The following PNKP variants were observed in gnomAD, a reference collection of about 807,000 sequenced individuals.
PNKP encodes the protein polynucleotide kinase 3'-phosphatase.
In PNKP, 82 loss-of-function variants were observed where a neutral mutation model predicts 66.2. The ratio of observed to expected loss-of-function variants is 1.24; its 90% CI spans 1.04 to 1.49. The LOEUF is 1.49. Ranked by LOEUF, PNKP falls within the 40% of genes most tolerant of loss-of-function variation. The pLI is 0.00. For missense variants in PNKP, 907 were observed against 706.8 expected, an observed-to-expected ratio of 1.28 and a Z score of -3.21; for synonymous variants, 412 against 298.9, an observed-to-expected ratio of 1.38 and a Z score of -3.90.
chr19:49,862,490 A>G (rs1377252863), intron 10 of PNKP, 27 bp from the exon 11 acceptor site: 2 of 1,596,580 alleles, frequency 1.3e-6, no homozygotes, highest in African/African-American at 1.3e-5. Flanking sequence ...AACATCAGAC[A>G]CAGGCCAGGG....
intron 15 of PNKP, 47 bp from the exon 16 acceptor site, chr19:49,861,557 A>AT: frequency 5.4e-5 from 5 of 93,034 alleles, no homozygotes; most frequent in Non-Finnish European, 7.1e-5. Context: ...TCAGGGGAGG[A>AT]GGGGGGTCAG....
Position 49,866,379 on chromosome 19 carries a change from C to T in PNKP, c.198+20G>A, listed in dbSNP as rs1321657795. On this transcript the variant is annotated intron_variant, in intron 3 of 16. Transcript: ENST00000322344. ...AATCCCATCCCCAGGCCTTGCTGGCCCTTGCAGAGGCACTGATACCTGTTT... is the reference window on the plus strand; with the variant it reads ...AATCCCATCCCCAGGCCTTGCTGGCTCTTGCAGAGGCACTGATACCTGTTT... The T allele has an allele frequency of 1.2e-6, 2 of 1,611,304 alleles. No homozygotes were observed. The highest frequency in any genetic ancestry group is 1.7e-6 in the Non-Finnish European group (2 of 1,177,380).
chr19:49,862,512 C>G, intron 10 of PNKP, 26 bp downstream of exon 10: 1 of 1,602,072 alleles, frequency 6.2e-7, no homozygotes. Context: ...CGGGCTCGGG[C>G]GCGGGGCAGG....
chr19:49,865,776 G>A (rs890716012), intron 3 of PNKP, among the ~76,000 whole-genome samples: 2 of 151,370 alleles, frequency 1.3e-5, no homozygotes, highest in African/African-American at 2.4e-5. Flanking sequence ...ACCATGCCCC[G>A]CTAATTTTTG....
At chr19:49,865,537 G>T in intron 3 of PNKP, 111 bp from the exon 4 acceptor site, 2 of 701,614 alleles carry the variant, frequency 2.9e-6, no homozygotes, top group East Asian at 2.7e-5. Flanking sequence ...CAGACCCTTA[G>T]GCCCCACCTC....
intron 13 of PNKP, 46 bp from the exon 14 acceptor site, chr19:49,861,927 G>C (rs1284165742): frequency 6.3e-7 from 1 of 1,579,148 alleles, no homozygotes; most frequent in East Asian, 2.3e-5. Context: ...CCCAGGGGGA[G>C]AGAAGACCCC....
rs1042831313 is a variant in PNKP, at chr19:49,862,105, G to T, written c.1127C>A (p.Ala376Asp). The change falls in exon 13 of 17, where the codon GCC becomes GAC. Residue 376 changes from alanine to aspartate, a missense_variant and splice_region_variant. Coordinates refer to ENST00000322344, the MANE Select transcript of PNKP (RefSeq NM_007254.4). ...CTTCTTGAGAAAGGTGGACTTCCCG[G>T]CTGTGTGGGGGGCAGTGTCGGTGGG... ...EVVVAVGFPG[A>D]GKSTFLKKHL... is the part of the protein sequence containing the mutation. 2 of 1,614,158 alleles carry T rather than the reference G, an allele frequency of 1.2e-6. No homozygotes were observed. The highest frequency in any genetic ancestry group is 2.7e-5 in the African/African-American group (2 of 75,038).
chr19:49,866,505 C>T lies in PNKP; in HGVS notation c.152-60G>A, dbSNP rs183127015. ...CCTTGTGTGATTGGGTCCCTCATTT[C>T]TGGGGAGTGTGGCCTGCTTCAGGCT... On this transcript the variant is annotated intron_variant, in intron 2 of 16. Transcript: ENST00000322344. 1.7e-3 allele frequency: 2,566 copies of T among 1,530,418 alleles called. 23 individuals are homozygous for T. In the Middle Eastern group the frequency reaches 0.023, roughly 14 times the overall value. The allele number at this position is 1,530,418 out of a possible 1,614,324, so 94.8% of individuals were successfully genotyped here.
At position 49,862,518 on chromosome 19, in the gene PNKP, G is replaced by A. The variant is rs2074783538; in HGVS notation, c.936+20C>T. 1 of 1,604,032 alleles carries A rather than the reference G, an allele frequency of 6.2e-7. No homozygotes were observed. The highest frequency in any genetic ancestry group is 8.5e-7 in the Non-Finnish European group (1 of 1,174,872). Reference sequence around the variant, plus strand: ...GGCCAGGGTCGGGCTCGGGCGCGGGGCAGGGGGCAGGGGCCTCACCAGGCG... The same window carrying A: ...GGCCAGGGTCGGGCTCGGGCGCGGGACAGGGGGCAGGGGCCTCACCAGGCG... On this transcript the variant is annotated intron_variant, in intron 10 of 16. Transcript: ENST00000322344.
intron 3 of PNKP, chr19:49,866,107 G>A (rs1445394346): frequency 2.2e-6 from 1 of 462,130 alleles, no homozygotes; most frequent in Non-Finnish European, 4.0e-6. Context: ...TGACCTACTG[G>A]GCTCAAGGGA....
In PNKP at chr19:49,861,490, G is replaced by A. The variant is rs942243433; in HGVS notation, c.1407C>T (p.Ser469=). ...CCATGTCTGACACGGGGATATGAGA[G>A]GAGTCCGTCATCTCTCGAAACTGTG... ...HNNRFREMTD[S]SHIPVSDMVM... is the part of the protein sequence containing the mutation. The change falls in exon 16 of 17, where the codon TCC becomes TCT. Residue 469 remains serine, a synonymous_variant. Coordinates refer to ENST00000322344, the MANE Select transcript of PNKP (RefSeq NM_007254.4). 3.1e-6 allele frequency: 5 copies of A among 1,613,724 alleles called. No individual in the cohort carries two copies. Among genetic ancestry groups the A allele is most frequent in the Non-Finnish European group, 4.2e-6 (5 of 1,179,726 alleles).
At chr19:49,864,813 AC>A (rs2074806035) in intron 4 of PNKP, among the ~76,000 whole-genome samples, 1 of 152,194 alleles carries the variant, frequency 6.6e-6, no homozygotes, top group African/African-American at 2.4e-5. Flanking sequence ...TAGAGATGAG[AC>A]ACATGGGACT....
At position 49,865,910 on chromosome 19, in the gene PNKP, G is replaced by GC. The variant is rs978852929; in HGVS notation, c.199-485dup. On this transcript the variant is annotated intron_variant, in intron 3 of 16. Coordinates refer to ENST00000322344, the MANE Select transcript of PNKP (RefSeq NM_007254.4). ...TTACAGGCGTGAGCCACCGCGCCTG[G>GC]CCGCCTTGTCCAATTTCTAAGGTCT... The GC allele has an allele frequency of 2.1e-5, 5 of 237,046 alleles. No homozygotes were observed. The East Asian group carries it at 5.6e-4, about 27-fold the overall frequency. The allele number at this position is 237,046 out of a possible 1,614,324, so 14.7% of individuals were successfully genotyped here.
In PNKP at chr19:49,862,576, C is replaced by T; in HGVS notation, c.898G>A (p.Gly300Arg). 6.2e-7 allele frequency: 1 copy of T among 1,613,242 alleles called. No homozygotes were observed. The highest frequency in any genetic ancestry group is 8.5e-7 in the Non-Finnish European group (1 of 1,179,576). Reference protein sequence around the residue: ...AAGRPANWAPGRKKKDFSCAD... With the variant: ...AAGRPANWAPRRKKKDFSCAD... ...CAGGAGAAGTCTTTCTTCTTCCGCC[C>T]CGGGGCCCAGTTGGCCGGGCGTCCG... Residue 300 changes from glycine to arginine, a missense_variant, in exon 10 of 17, where the codon GGG becomes AGG. Coordinates refer to ENST00000322344, the MANE Select transcript of PNKP (RefSeq NM_007254.4).
chr19:49,863,510 T>C (rs1283142693), intron 8 of PNKP, among the ~76,000 whole-genome samples, 179 bp downstream of exon 8: 1 of 152,164 alleles, frequency 6.6e-6, no homozygotes, highest in African/African-American at 2.4e-5. Flanking sequence ...TACTCTGATG[T>C]AGAAAGTCTG....
intron 3 of PNKP, 122 bp downstream of exon 3, chr19:49,866,277 G>T (rs959048040): frequency 1.1e-6 from 1 of 946,280 alleles, no homozygotes; most frequent in Non-Finnish European, 1.7e-6. Flanking sequence ...TGGGATTACA[G>T]GCTTGAGCCA....
Position 49,862,521 on chromosome 19 carries a change from G to T in PNKP, c.936+17C>A, listed in dbSNP as rs771741148. The T allele has an allele frequency of 6.2e-7, 1 of 1,602,156 alleles. No individual in the cohort carries two copies. The highest frequency in any genetic ancestry group is 1.1e-5 in the South Asian group (1 of 90,026). On this transcript the variant is annotated intron_variant, in intron 10 of 16. Transcript: ENST00000322344. ...CAGGGTCGGGCTCGGGCGCGGGGCA[G>T]GGGGCAGGGGCCTCACCAGGCGATC... is the stretch of plus-strand genomic sequence containing the variant.
rs545237601 is a variant in PNKP, at chr19:49,862,027, C to T, written c.1188+17G>A. The T allele has an allele frequency of 1.7e-5, 27 of 1,613,944 alleles. No homozygotes were observed. The South Asian group carries it at 2.9e-4, about 17-fold the overall frequency. On this transcript the variant is annotated intron_variant, in intron 13 of 16. Coordinates refer to ENST00000322344, the MANE Select transcript of PNKP (RefSeq NM_007254.4). Reference sequence around the variant, plus strand: ...GAACTTTATAATAGATTTGGGGCGGCAAAAGCCTGGTCATACCCTGTTCAC... The same window carrying T: ...GAACTTTATAATAGATTTGGGGCGGTAAAAGCCTGGTCATACCCTGTTCAC...
At chr19:49,863,121 C>T (rs1248391732) in intron 8 of PNKP, among the ~76,000 whole-genome samples, 1 of 152,246 alleles carries the variant, frequency 6.6e-6, no homozygotes, top group Non-Finnish European at 1.5e-5. Flanking sequence ...GCCGCATGGG[C>T]CTCGCTGTCC....
Sources: allele counts gnomAD v4.1 joint callset (sites outside exome capture counted in the v4.1 genomes callset), GRCh38; gene constraint gnomAD v4.1.1; transcripts MANE v1.5; gene names NCBI Gene and HGNC (gene_info 2026-07-23, HGNC 2026-07-21).